The following MORN1 variants were observed in gnomAD, a reference collection of about 807,000 sequenced individuals.
MORN1 encodes MORN repeat-containing protein 1.
A neutral mutation model predicts 61.9 loss-of-function variants in MORN1; 67 were observed. That is an observed-to-expected ratio of 1.08 (90% CI 0.89 to 1.33). MORN1 has a LOEUF of 1.33. Among genes scored for constraint, MORN1 ranks in the 40% most tolerant of loss-of-function variants. The probability of loss-of-function intolerance (pLI) is 0.00; values close to 1 mark genes in which losing one functional copy is unlikely to be tolerated. For missense variants in MORN1, 752 were observed against 691.2 expected, an observed-to-expected ratio of 1.09 and a Z score of -0.99; for synonymous variants, 301 against 292.0, an observed-to-expected ratio of 1.03 and a Z score of -0.31.
At position 2,363,805 on chromosome 1, in the gene MORN1, C is replaced by CAAAAA. The variant is rs1553217338; in HGVS notation, c.746-5095_746-5091dup. Reference sequence around the variant, plus strand: ...TTAGAAAAACAAACAAACAAACAAACAAAAAAATATATATATATATAAAAA... The same window carrying CAAAAA: ...TTAGAAAAACAAACAAACAAACAAACAAAAAAAAAAAATATATATATATATAAAAA... On this transcript the variant is annotated intron_variant, in intron 8 of 13. Coordinates refer to ENST00000378531, the MANE Select transcript of MORN1 (RefSeq NM_024848.3). Among the ~76,000 whole-genome samples, 512 of 124,804 alleles carry CAAAAA rather than the reference C, an allele frequency of 4.1e-3. 3 individuals carry two copies. Among genetic ancestry groups the CAAAAA allele is most frequent in the Middle Eastern group, 0.025 (6 of 236 alleles). The allele number at this position is 124,804 out of a possible 152,430, so 81.9% of individuals were successfully genotyped here.
intron 12 of MORN1, chr1:2,332,490 G>A: frequency 2.5e-6 from 1 of 397,704 alleles, no homozygotes; most frequent in Non-Finnish European, 5.1e-6. Context: ...GTCCCCCTCG[G>A]CAGTTCTGTC....
Position 2,354,031 on chromosome 1 carries a change from T to A in MORN1, c.1036+3401A>T, listed in dbSNP as rs1641707938. Among the ~76,000 whole-genome samples the A allele has an allele frequency of 2.0e-5, 3 of 152,196 alleles. No homozygotes were observed. In the South Asian group the frequency reaches 6.2e-4, roughly 31 times the overall value. ...CGGGCATGGTGGCTCACGCCTGTGA[T>A]CCCAGCACTTTGAGGGGCCAAGGCG... is the stretch of plus-strand genomic sequence containing the variant. On this transcript the variant is annotated intron_variant, in intron 10 of 13. Transcript: ENST00000378531.
chr1:2,372,032 C>T lies in MORN1; in HGVS notation c.745+449G>A, dbSNP rs557507182. ...AAAACTTGTATACACATGTCCACAG[C>T]AGCACTATTCATAACAGCCCAAGGT... On this transcript the variant is annotated intron_variant, in intron 8 of 13. Coordinates refer to ENST00000378531, the MANE Select transcript of MORN1 (RefSeq NM_024848.3). The surrounding 1 kb of genome is among the most constrained non-coding windows in gnomAD (Gnocchi z 5.4). 6.4e-4 allele frequency: 120 copies of T among 186,884 alleles called. 1 individual carries two copies. The highest frequency in any genetic ancestry group is 2.8e-3 in the African/African-American group (118 of 42,622). 11.6% of individuals were successfully genotyped at this position (186,884 alleles called of 1,614,324 possible).
chr1:2,323,665 C>G (rs61762083), intron 13 of MORN1: 19 of 985,230 alleles, frequency 1.9e-5, no homozygotes, highest in Non-Finnish European at 2.3e-5. Context: ...GCAGCCCCCA[C>G]GCTGGGAGGA....
At chr1:2,378,827 G>A (rs1292900322) in intron 6 of MORN1, 2 of 430,188 alleles carry the variant, frequency 4.6e-6, no homozygotes, top group African/African-American at 4.1e-5. Flanking sequence ...GTGGGGGACG[G>A]AGATGGCTGA....
At chr1:2,331,749 G>A (rs1405658910) in intron 12 of MORN1, among the ~76,000 whole-genome samples, 5 of 152,164 alleles carry the variant, frequency 3.3e-5, no homozygotes, top group South Asian at 2.1e-4. Flanking sequence ...ACAAAGGCGC[G>A]CGTTTCTCCC....
chr1:2,342,500 A>G (rs1312253232), intron 10 of MORN1, among the ~76,000 whole-genome samples: 4 of 152,274 alleles, frequency 2.6e-5, no homozygotes, highest in Non-Finnish European at 5.9e-5. Context: ...TTAAGAGTCC[A>G]TCAGTCAGCC....
intron 13 of MORN1, 81 bp downstream of exon 13, chr1:2,324,016 C>T: frequency 6.7e-7 from 1 of 1,498,274 alleles, no homozygotes; most frequent in South Asian, 1.3e-5. Context: ...TTCCCCCAAC[C>T]CCACCTCCAG....
chr1:2,323,122 C>A lies in MORN1; in HGVS notation c.1297+975G>T. 3.0e-6 allele frequency: 3 copies of A among 985,438 alleles called. 1 individual carries two copies. In the South Asian group the frequency reaches 1.4e-4, roughly 46 times the overall value. 61.0% of individuals were successfully genotyped at this position (985,438 alleles called of 1,614,324 possible). A position where few individuals can be genotyped will look rare whatever the true frequency, so the allele number is the denominator to read the frequency against. On this transcript the variant is annotated intron_variant, in intron 13 of 13. Transcript: ENST00000378531. Reference sequence around the variant, plus strand: ...CCTGTCACTGCAGAGATGTCCCCGCCCCCTCCTGGGATGGCTGGGACGCGG... The same window carrying A: ...CCTGTCACTGCAGAGATGTCCCCGCACCCTCCTGGGATGGCTGGGACGCGG...
chr1:2,323,877 T>C (rs1244258478), intron 13 of MORN1: 3 of 985,038 alleles, frequency 3.0e-6, no homozygotes, highest in Admixed American at 6.2e-5. Context: ...TCGGCCCAGC[T>C]TCAAATCTTT....
At chr1:2,366,936 C>T (rs769738743) in intron 8 of MORN1, among the ~76,000 whole-genome samples, 3 of 151,878 alleles carry the variant, frequency 2.0e-5, no homozygotes, top group South Asian at 4.2e-4. Context: ...CATACATACA[C>T]AGAATATCAA....
intron 8 of MORN1, among the ~76,000 whole-genome samples, chr1:2,360,516 G>A (rs1641870999): frequency 6.6e-6 from 1 of 152,198 alleles, no homozygotes; most frequent in Admixed American, 6.5e-5. Flanking sequence ...CTGAGGCAGA[G>A]CCCAACAAAC....
At chr1:2,383,578 C>T (rs1642419266) in intron 6 of MORN1, among the ~76,000 whole-genome samples, 1 of 152,264 alleles carries the variant, frequency 6.6e-6, no homozygotes, top group Non-Finnish European at 1.5e-5. Flanking sequence ...TTGCGTTTCT[C>T]ATCAAAGCAG....
chr1:2,367,820 G>C (rs1464220728), intron 8 of MORN1, among the ~76,000 whole-genome samples: 1 of 152,108 alleles, frequency 6.6e-6, no homozygotes, highest in Non-Finnish European at 1.5e-5. Flanking sequence ...GTGGTGACAG[G>C]GTTTTGCCAC....
intron 6 of MORN1, chr1:2,379,183 C>T (rs199958704): frequency 8.2e-4 from 386 of 470,866 alleles, no homozygotes; most frequent in Admixed American, 1.6e-3. Flanking sequence ...GGGTAGCAGC[C>T]GATGTCTCCT....
intron 9 of MORN1, among the ~76,000 whole-genome samples, chr1:2,358,038 T>C (rs1641812340): frequency 6.6e-6 from 1 of 152,042 alleles, no homozygotes. Context: ...AATGGTAAAA[T>C]GCATGGATTT....
At chr1:2,390,553 C>T in intron 1 of MORN1, 1 of 985,336 alleles carries the variant, frequency 1.0e-6, no homozygotes, top group African/African-American at 1.7e-5. Flanking sequence ...GGCAGGGCTC[C>T]CTCCCTACCA....
intron 10 of MORN1, among the ~76,000 whole-genome samples, chr1:2,347,248 G>A (rs1351821292): frequency 6.6e-6 from 1 of 152,204 alleles, no homozygotes; most frequent in African/African-American, 2.4e-5. Flanking sequence ...GTCTGAGTCT[G>A]TTCAGAGGCT....
intron 12 of MORN1, among the ~76,000 whole-genome samples, chr1:2,324,610 C>T (rs1640959497): frequency 6.6e-6 from 1 of 152,144 alleles, no homozygotes; most frequent in Non-Finnish European, 1.5e-5. Context: ...ATGGTGCCCC[C>T]TTGGAGGAAC....
Sources: gnomAD v4.1 joint callset for allele counts (sites outside exome capture counted in the v4.1 genomes callset) on GRCh38, gnomAD v4.1.1 for gene constraint, Gnocchi (gnomAD v3.1) non-coding constraint, MANE v1.5 for transcripts, NCBI Gene and HGNC (gene_info 2026-07-23, HGNC 2026-07-21) for gene names.